The following MYO18A variants were observed in gnomAD, a reference collection of about 807,000 sequenced individuals.
The protein encoded by MYO18A is myosin XVIIIA.
A neutral mutation model predicts 235.8 loss-of-function variants in MYO18A; 78 were observed. That is an observed-to-expected ratio of 0.33 (90% confidence interval 0.28 to 0.40). The LOEUF (loss-of-function observed/expected upper bound fraction) is 0.40. Ranked by LOEUF, MYO18A falls within the 10% of genes least tolerant of loss-of-function variation. The probability of loss-of-function intolerance (pLI) is 1.00; values close to 1 mark genes in which losing one functional copy is unlikely to be tolerated. For synonymous variants in MYO18A, 977 were observed against 1,077.8 expected (o/e 0.91, Z 1.83); for missense variants, 2,215 against 2,699.3 (o/e 0.82, Z 3.98).
chr17:29,122,232 C>G lies in MYO18A; in HGVS notation c.1021G>C (p.Ala341Pro). Residue 341 changes from alanine (A) to proline (P), a missense_variant, in exon 3 of 42, where the codon GCA (alanine) becomes CCA (proline). By Grantham distance (27) the Ala-to-Pro change is conservative (BLOSUM62 -1). Transcript: ENST00000527372. ...PSDAKTEEQI[A>P]AEEAWNETEK... ...GTCTCATTCCAGGCCTCTTCTGCTGCAATCTGTTCTTCTGTTTTCGCCTGT... is the reference window on the plus strand; with the variant it reads ...GTCTCATTCCAGGCCTCTTCTGCTGGAATCTGTTCTTCTGTTTTCGCCTGT... The G allele has an allele frequency of 1.2e-6, 2 of 1,613,266 alleles. No individual in the cohort carries two copies. The highest frequency in any genetic ancestry group is 1.1e-5 in the South Asian group (1 of 90,816).
At chr17:29,079,406 C>G (rs2066061640) in intron 41 of MYO18A, among the ~76,000 whole-genome samples, 2 of 152,220 alleles carry the variant, frequency 1.3e-5, no homozygotes, top group South Asian at 4.1e-4. Context: ...CAGAGCTAAT[C>G]AGACTTTGTT....
At chr17:29,085,741 C>G in intron 39 of MYO18A, 93 bp from the exon 40 acceptor site, 1 of 1,294,408 alleles carries the variant, frequency 7.7e-7, no homozygotes, top group Non-Finnish European at 1.1e-6. Flanking sequence ...CTGAAGACCT[C>G]TCTTCCCTCA....
At position 29,109,234 on chromosome 17, in the gene MYO18A, C is replaced by A. The variant is rs1001685335; in HGVS notation, c.3331+624G>T. On this transcript the variant is annotated intron_variant, in intron 19 of 41. Transcript: ENST00000527372. This position sits in a 1 kb window ranked among gnomAD's most constrained non-coding sequence, Gnocchi z 4.1. Reference sequence around the variant, plus strand: ...TACAGCCAGCCTGCCTGGTCAAATCCCACTCTGCCACTCAGGAGCTGTGTG... The same window carrying A: ...TACAGCCAGCCTGCCTGGTCAAATCACACTCTGCCACTCAGGAGCTGTGTG... Among the ~76,000 whole-genome samples the A allele has an allele frequency of 3.9e-5, 6 of 152,056 alleles. No individual in the cohort carries two copies. The highest frequency in any genetic ancestry group is 3.9e-4 in the Admixed American group (6 of 15,278).
chr17:29,163,982 C>T lies in MYO18A; in HGVS notation c.999+1960G>A, dbSNP rs150578879. ...TCGGCTCACTGCAACTTCCGCCTCC[C>T]GGGTTCAAGTGATTCTCCTGCCTCA... On this transcript the variant is annotated intron_variant, in intron 2 of 41. Coordinates refer to ENST00000527372, the MANE Select transcript of MYO18A (RefSeq NM_078471.4). Among the ~76,000 whole-genome samples the T allele has an allele frequency of 9.3e-3, 1,423 of 152,346 alleles. 29 individuals are homozygous for T. The highest frequency in any genetic ancestry group is 0.032 in the African/African-American group (1,320 of 41,562).
In MYO18A at chr17:29,115,178, C is replaced by T. The variant is rs116132009; in HGVS notation, c.2319-79G>A. 4.1e-4 allele frequency: 616 copies of T among 1,491,484 alleles called. 1 individual carries two copies. The African/African-American group carries it at 7.4e-3, about 18-fold the overall frequency. The allele number at this position is 1,491,484 out of a possible 1,614,324, so 92.4% of individuals were successfully genotyped here. A position where few individuals can be genotyped will look rare whatever the true frequency, so the allele number is the denominator to read the frequency against. On this transcript the variant is annotated intron_variant, in intron 13 of 41. Transcript: ENST00000527372. ...AAGCCCCACCCTGCCCAAGCCAGAC[C>T]TCTATCCCTGCCCAGGACCCTGGTG...
intron 41 of MYO18A, chr17:29,076,643 G>C (rs1428151096): frequency 1.3e-5 from 2 of 152,126 alleles, no homozygotes; most frequent in Admixed American, 6.5e-5. Context: ...ACTCTGGGGG[G>C]GTTTCTAGGA....
chr17:29,162,043 C>T (rs1330484914), intron 2 of MYO18A, among the ~76,000 whole-genome samples: 2 of 152,178 alleles, frequency 1.3e-5, no homozygotes, highest in Non-Finnish European at 2.9e-5. Context: ...TCCCTCAGGC[C>T]CCTACCAGTG....
At position 29,114,938 on chromosome 17, in the gene MYO18A, G is replaced by A; in HGVS notation, c.2480C>T (p.Thr827Ile). 1 of 1,614,012 alleles carries A rather than the reference G, an allele frequency of 6.2e-7. No individual in the cohort carries two copies. The highest frequency in any genetic ancestry group is 8.5e-7 in the Non-Finnish European group (1 of 1,179,884). ...DRLQRLFHER[T>I]FVQELERYKE... ...GTATCTTTCCAACTCCTGCACGAAGGTGCGCTCGTGGAAGAGCCTCTGCAG... is the reference window on the plus strand; with the variant it reads ...GTATCTTTCCAACTCCTGCACGAAGATGCGCTCGTGGAAGAGCCTCTGCAG... The change falls in exon 14 of 42, where the codon ACC (threonine) becomes ATC (isoleucine). Residue 827 changes from threonine (T) to isoleucine (I), a missense_variant. Transcript: ENST00000527372.
chr17:29,079,652 C>G, intron 41 of MYO18A: 1 of 943,792 alleles, frequency 1.1e-6, no homozygotes, highest in Non-Finnish European at 1.3e-6. Flanking sequence ...AAGGTGGCGG[C>G]CTGAGGGGCA....
chr17:29,151,329 C>T (rs1442671563), intron 2 of MYO18A, among the ~76,000 whole-genome samples: 1 of 152,152 alleles, frequency 6.6e-6, no homozygotes, highest in Non-Finnish European at 1.5e-5. Flanking sequence ...AGTTGGATAG[C>T]ATTATAGACC....
rs1250663514 is a variant in MYO18A, at chr17:29,122,065, T to A, written c.1087+101A>T. On this transcript the variant is annotated intron_variant, in intron 3 of 41. Transcript: ENST00000527372. ...CCCCACTGCATCACCAGCCTCTCCT[T>A]GCTCACTGCTCAGCCCTCACCAGAT... The A allele has an allele frequency of 2.0e-6, 3 of 1,513,468 alleles. No homozygotes were observed. In the African/African-American group the frequency reaches 4.1e-5, roughly 21 times the overall value. 93.8% of individuals were successfully genotyped at this position (1,513,468 alleles called of 1,614,324 possible). A position where few individuals can be genotyped will look rare whatever the true frequency, so the allele number is the denominator to read the frequency against.
Position 29,111,682 on chromosome 17 carries a change from A to C in MYO18A, c.2740+40T>G. On this transcript the variant is annotated intron_variant, in intron 16 of 41. Transcript: ENST00000527372. The surrounding 1 kb of genome is among the most constrained non-coding windows in gnomAD (Gnocchi z 5.1). ...TGCCACCTGGACCCACCTGTATGTAAGAGGAAGCAGAGGAGCTACCCTCTA... is the reference window on the plus strand; with the variant it reads ...TGCCACCTGGACCCACCTGTATGTACGAGGAAGCAGAGGAGCTACCCTCTA... 4.3e-6 allele frequency: 7 copies of C among 1,612,576 alleles called. No homozygotes were observed. Among genetic ancestry groups the C allele is most frequent in the Non-Finnish European group, 5.9e-6 (7 of 1,179,216 alleles).
At chr17:29,093,587 G>A (rs1237366090) in intron 31 of MYO18A, among the ~76,000 whole-genome samples, 160 bp from the exon 32 acceptor site, 1 of 152,076 alleles carries the variant, frequency 6.6e-6, no homozygotes, top group Non-Finnish European at 1.5e-5. Flanking sequence ...GGTTTCTAGG[G>A]TTTCAAAGCA....
intron 41 of MYO18A, chr17:29,076,720 G>T (rs2065988919): frequency 6.6e-6 from 1 of 152,216 alleles, no homozygotes; most frequent in Non-Finnish European, 1.5e-5. Flanking sequence ...TAGCTTTGGG[G>T]TTGTTTGAAT....
At chr17:29,097,067 G>T in intron 27 of MYO18A, 152 bp from the exon 28 acceptor site, 1 of 1,374,822 alleles carries the variant, frequency 7.3e-7, no homozygotes, top group Non-Finnish European at 9.7e-7. Flanking sequence ...ATGATAGCTT[G>T]CTCCTGATTG....
intron 2 of MYO18A, among the ~76,000 whole-genome samples, chr17:29,129,691 T>C (rs1332111362): frequency 6.6e-6 from 1 of 152,216 alleles, no homozygotes; most frequent in Admixed American, 6.5e-5. Context: ...CCATGCTTGC[T>C]TGGATGCAGG....
intron 40 of MYO18A, 49 bp from the exon 41 acceptor site, chr17:29,082,487 C>T (rs1444879278): frequency 1.3e-6 from 2 of 1,585,742 alleles, no homozygotes; most frequent in Non-Finnish European, 1.7e-6. Flanking sequence ...GCACCTGCTG[C>T]CCACGAGGGG....
chr17:29,090,067 A>C lies in MYO18A; in HGVS notation c.5420T>G (p.Leu1807Arg), dbSNP rs1173948661. ...GGACTTGTCCACCATGGACTGCTCC[A>C]GGAACTCCACCTGGCTCTGGAGGGC... ...LQALQSQVEF[L>R]EQSMVDKSLV... is the part of the protein sequence containing the mutation. Residue 1807 changes from leucine (L) to arginine (R), a missense_variant, in exon 37 of 42, where the codon CTG becomes CGG. Transcript: ENST00000527372. 6.2e-7 allele frequency: 1 copy of C among 1,613,650 alleles called. No individual in the cohort carries two copies. Among genetic ancestry groups the C allele is most frequent in the South Asian group, 1.1e-5 (1 of 90,962 alleles).
At position 29,118,382 on chromosome 17, in the gene MYO18A, C is replaced by A; in HGVS notation, c.1888G>T (p.Ala630Ser). The part of the protein sequence containing the change: ...ENNVFGIVPL[A>S]KPEEKQKAAQ... ...AGACCCCACAGACCCCTCACCTTGG[C>A]CAGTGGCACAATCCCAAACACATTG... Residue 630 changes from alanine to serine, a missense_variant, in exon 9 of 42, where the codon GCC becomes TCC. Transcript: ENST00000527372. The surrounding 1 kb of genome is among the most constrained non-coding windows in gnomAD (Gnocchi z 4.2). The A allele has an allele frequency of 6.2e-7, 1 of 1,604,292 alleles. No homozygotes were observed. The highest frequency in any genetic ancestry group is 8.5e-7 in the Non-Finnish European group (1 of 1,172,636).
Sources: allele counts gnomAD v4.1 joint callset (sites outside exome capture counted in the v4.1 genomes callset), GRCh38; gene constraint gnomAD v4.1.1; non-coding constraint Gnocchi (gnomAD v3.1); transcripts MANE v1.5; gene names NCBI Gene and HGNC (gene_info 2026-07-23, HGNC 2026-07-21).